The following FAM221A variants were observed in gnomAD, a reference collection of about 807,000 sequenced individuals.
FAM221A encodes family with sequence similarity 221 member A.
In FAM221A, 43 loss-of-function variants were observed where a neutral mutation model predicts 37.6. The observed-to-expected ratio is 1.15, with a 90% confidence interval of 0.90 to 1.48. The LOEUF (loss-of-function observed/expected upper bound fraction) is 1.48, where lower values mean the gene tolerates loss of function less well. FAM221A is among the 40% of genes most tolerant of loss of function. The pLI is 0.00. For missense variants in FAM221A, 361 were observed against 361.5 expected, an observed-to-expected ratio of 1.00 and a Z score of 0.01; for synonymous variants, 135 against 132.9, an observed-to-expected ratio of 1.02 and a Z score of -0.11.
At chr7:23,697,933 T>G (rs1209654104) in intron 4 of FAM221A, among the ~76,000 whole-genome samples, 1 of 152,094 alleles carries the variant, frequency 6.6e-6, no homozygotes, top group Non-Finnish European at 1.5e-5. Context: ...TGTATTTTTT[T>G]TTTTTTGGTA....
At chr7:23,690,947 C>T (rs1784708626) in intron 3 of FAM221A, among the ~76,000 whole-genome samples, 1 of 152,160 alleles carries the variant, frequency 6.6e-6, no homozygotes, top group South Asian at 2.1e-4. Flanking sequence ...TATATCAATA[C>T]TTCTTTCCTT....
chr7:23,700,809 T>A lies in FAM221A; in HGVS notation c.769T>A (p.Ser257Thr). Residue 257 changes from serine (S) to threonine (T), a missense_variant, in exon 6 of 7, where the codon TCA (serine) becomes ACA (threonine). Physicochemically the swap from Ser to Thr is moderately conservative, Grantham distance 58. Coordinates refer to ENST00000344962, the MANE Select transcript of FAM221A (RefSeq NM_199136.5). ...TDVGTSSQVS[S>T]LRRPEEDDMA... ...AGTAGGTACAAGTAGTCAAGTTTCT[T>A]CATTAAGGAGACCTGAAGAGGATGA... 1 of 1,607,504 alleles carries A rather than the reference T, an allele frequency of 6.2e-7. No individual in the cohort carries two copies. Among genetic ancestry groups the A allele is most frequent in the East Asian group, 2.2e-5 (1 of 44,630 alleles).
At chr7:23,698,731 CT>C (rs1468570943) in intron 5 of FAM221A, among the ~76,000 whole-genome samples, 6 of 152,078 alleles carry the variant, frequency 3.9e-5, no homozygotes, top group African/African-American at 1.4e-4. Flanking sequence ...CTGTATTTTC[CT>C]TACTGAAAAC....
chr7:23,693,420 T>G (rs992084552), intron 4 of FAM221A: 2 of 152,214 alleles, frequency 1.3e-5, no homozygotes, highest in Admixed American at 6.5e-5. Flanking sequence ...TCTTTTCATA[T>G]TTATTGGCCA....
At chr7:23,693,313 A>G (rs1232869604) in intron 4 of FAM221A, 1 of 152,160 alleles carries the variant, frequency 6.6e-6, no homozygotes, top group Non-Finnish European at 1.5e-5. Context: ...TAGGCTAATC[A>G]TTGATATTAT....
intron 4 of FAM221A, chr7:23,692,718 A>G (rs6461726): frequency 0.79 from 773,433 of 981,160 alleles, 306,421 homozygotes; most frequent in South Asian, 0.89. Context: ...TAAGTGCAAA[A>G]CACCCTTGAA....
At chr7:23,690,200 T>TATATATATATATATATATATATA (rs1491098232) in intron 3 of FAM221A, among the ~76,000 whole-genome samples, 1 of 18,592 alleles carries the variant, frequency 5.4e-5, no homozygotes, top group Non-Finnish European at 1.0e-4. Context: ...TATATATATA[T>TATATATATATATATATATATATA]TTTTTTTTTT....
At position 23,680,231 on chromosome 7, in the gene FAM221A, A is replaced by G. The variant is rs1783940849; in HGVS notation, c.13A>G (p.Thr5Ala). The stretch of plus-strand genomic sequence containing the variant: ...TTCCCCACCGGCAATGGAGCGGTTG[A>G]CGTTGCCTCTCGGCGGCGCGGCGGC... MERL[T>A]LPLGGAAAVD... is the part of the protein sequence containing the mutation. The change falls in exon 1 of 7, where the codon ACG becomes GCG. Residue 5 changes from threonine to alanine, a missense_variant. Transcript: ENST00000344962. 1 of 1,549,398 alleles carries G rather than the reference A, an allele frequency of 6.5e-7. No individual in the cohort carries two copies. Among genetic ancestry groups the G allele is most frequent in the Non-Finnish European group, 8.7e-7 (1 of 1,146,028 alleles).
At position 23,684,586 on chromosome 7, in the gene FAM221A, A is replaced by G. The variant is rs1784256452; in HGVS notation, c.153A>G (p.Gln51=). 6.2e-7 allele frequency: 1 copy of G among 1,614,196 alleles called. No individual in the cohort carries two copies. ...YKRKVLPLRL[Q]NRLFVSWRSP... ...GAAAAGTTTTACCTCTGCGCTTACA[A>G]AACAGATTATTTGTGAGCTGGCGGT... The change falls in exon 2 of 7, where the codon CAA becomes CAG. Residue 51 remains glutamine, a synonymous_variant. Transcript: ENST00000344962.
At chr7:23,680,600 C>G (rs537409935) in intron 1 of FAM221A, 2 of 342,440 alleles carry the variant, frequency 5.8e-6, no homozygotes, top group Non-Finnish European at 1.1e-5. Context: ...ACAGGCACAT[C>G]GAGTACTCGG....
rs1785496448 is a variant in FAM221A at position 23,702,119 on chromosome 7, G to T, written c.852G>T (p.Lys284Asn). 3 of 1,601,574 alleles carry T rather than the reference G, an allele frequency of 1.9e-6. No homozygotes were observed. Among genetic ancestry groups the T allele is most frequent in the Non-Finnish European group, 2.6e-6 (3 of 1,173,498 alleles). The change falls in exon 7 of 7, where the codon AAG becomes AAT. Residue 284 changes from lysine to asparagine, a missense_variant. Lys to Asn is a moderately conservative substitution (Grantham distance 94). Transcript: ENST00000344962. ...AGATGAAAATGGAAAAGGCTGCTAA[G>T]TGGAAAGGAAAAGCTCCATTGCCAT... ...QERMKMEKAA[K>N]WKGKAPLPSA...
intron 3 of FAM221A, among the ~76,000 whole-genome samples, chr7:23,690,197 A>ATTTTTT (rs1429439145): frequency 2.2e-4 from 8 of 36,426 alleles, no homozygotes; most frequent in African/African-American, 3.4e-4. Context: ...ATATATATAT[A>ATTTTTT]TATTTTTTTT....
Position 23,689,269 on chromosome 7 carries a change from G to T in FAM221A, c.240G>T (p.Arg80Ser). The T allele has an allele frequency of 1.3e-6, 2 of 1,508,432 alleles. No homozygotes were observed. Among genetic ancestry groups the T allele is most frequent in the Non-Finnish European group, 1.8e-6 (2 of 1,107,528 alleles). The allele number at this position is 1,508,432 out of a possible 1,614,324, so 93.4% of individuals were successfully genotyped here. A position where few individuals can be genotyped will look rare whatever the true frequency, so the allele number is the denominator to read the frequency against. The change falls in exon 3 of 7, where the codon AGG becomes AGT. Residue 80 changes from arginine (R) to serine (S), a missense_variant and splice_region_variant. Physicochemically the swap from Arg to Ser is moderately radical, Grantham distance 110. Transcript: ENST00000344962. ...GPETLCFCTH[R>S]YKQHKTDLEA... Reference sequence around the variant, plus strand: ...TTTCTCTCTCTTTCTCCTTTTTTAGGTATAAACAACATAAAACTGACTTGG... The same window carrying T: ...TTTCTCTCTCTTTCTCCTTTTTTAGTTATAAACAACATAAAACTGACTTGG...
chr7:23,682,483 G>A (rs868546914), intron 1 of FAM221A, among the ~76,000 whole-genome samples: 45 of 150,026 alleles, frequency 3.0e-4, no homozygotes, highest in Middle Eastern at 6.9e-3. Flanking sequence ...CCAGGCTGGA[G>A]TGCAGTGGCG....
chr7:23,696,818 T>A (rs900289537), intron 4 of FAM221A, among the ~76,000 whole-genome samples: 1 of 152,170 alleles, frequency 6.6e-6, no homozygotes, highest in East Asian at 1.9e-4. Context: ...GGACTCCAGA[T>A]TTTTAGCCAT....
At chr7:23,691,695 C>T in intron 4 of FAM221A, 99 bp downstream of exon 4, 4 of 1,037,578 alleles carry the variant, frequency 3.9e-6, no homozygotes, top group Non-Finnish European at 4.3e-6. Flanking sequence ...TAGTATTTTT[C>T]TTTCAGAAAA....
At chr7:23,682,444 T>A (rs1232420065) in intron 1 of FAM221A, among the ~76,000 whole-genome samples, 4 of 142,590 alleles carry the variant, frequency 2.8e-5, no homozygotes, top group Non-Finnish European at 4.5e-5. Context: ...TTATTATTTT[T>A]TTTTTTAGAT....
intron 4 of FAM221A, among the ~76,000 whole-genome samples, chr7:23,695,907 C>A (rs955579842): frequency 2.0e-5 from 3 of 152,096 alleles, no homozygotes; most frequent in Admixed American, 6.5e-5. Flanking sequence ...CTAGTACTTC[C>A]AGAACAATGC....
chr7:23,697,220 C>G (rs1785115448), intron 4 of FAM221A, among the ~76,000 whole-genome samples: 1 of 152,230 alleles, frequency 6.6e-6, no homozygotes, highest in African/African-American at 2.4e-5. Flanking sequence ...CCCATGGAAG[C>G]CACTGGGGCC....
Sources: allele counts gnomAD v4.1 joint callset (sites outside exome capture counted in the v4.1 genomes callset), GRCh38; gene constraint gnomAD v4.1.1; transcripts MANE v1.5; gene names NCBI Gene and HGNC (gene_info 2026-07-23, HGNC 2026-07-21).